Variants in EYS observed in about 807,000 individuals in gnomAD.
EYS encodes protein eyes shut homolog.
EYS carries 250 observed loss-of-function variants against 282.1 expected under a neutral mutation model. The ratio of observed to expected loss-of-function variants is 0.89; its 90% CI spans 0.80 to 0.98. The LOEUF is 0.98. EYS is among the 50% of genes least tolerant of loss of function. EYS has a pLI of 0.00. For synonymous variants in EYS, 1,355 were observed against 1,282.9 expected (o/e 1.06, Z -1.20); for missense variants, 4,016 against 3,709.0 (o/e 1.08, Z -2.15).
At chr6:64,759,203 A>C (rs991097203) in intron 22 of EYS, among the ~76,000 whole-genome samples, 6 of 152,180 alleles carry the variant, frequency 3.9e-5, no homozygotes, top group African/African-American at 1.4e-4. Flanking sequence ...ACGGGTAGCT[A>C]TCAAGAGATA....
intron 35 of EYS, among the ~76,000 whole-genome samples, chr6:63,978,638 C>T (rs117850023): frequency 0.01 from 1,521 of 151,918 alleles, 22 homozygotes; most frequent in East Asian, 0.036. Flanking sequence ...TGATTCCTAG[C>T]GACATGACAT....
At chr6:65,233,080 T>A (rs1766827198) in intron 12 of EYS, among the ~76,000 whole-genome samples, 1 of 152,152 alleles carries the variant, frequency 6.6e-6, no homozygotes. Context: ...CATCATGCCA[T>A]CCTTTATTTA....
At position 64,441,797 on chromosome 6, in the gene EYS, C is replaced by T. The variant is rs140646785; in HGVS notation, c.5645-2445G>A. Among the ~76,000 whole-genome samples, 1,119 of 152,280 alleles carry T rather than the reference C, an allele frequency of 7.3e-3. 16 individuals are homozygous for T. The highest frequency in any genetic ancestry group is 0.049 in the East Asian group (252 of 5,162). ...CATCCATGTAAGAGGTGACTTGCTC[C>T]TCCTTGCCTTCCACCATGATTATGA... is the stretch of plus-strand genomic sequence containing the variant. On this transcript the variant is annotated intron_variant, in intron 26 of 42. Transcript: ENST00000503581.
intron 31 of EYS, among the ~76,000 whole-genome samples, chr6:64,225,991 T>C (rs1168624706): frequency 1.3e-5 from 2 of 152,158 alleles, no homozygotes; most frequent in Non-Finnish European, 2.9e-5. Context: ...TTTTCAGACA[T>C]GGATATTAAC....
intron 2 of EYS, among the ~76,000 whole-genome samples, chr6:65,626,537 C>A (rs888335571): frequency 6.6e-5 from 10 of 152,100 alleles, no homozygotes; most frequent in African/African-American, 2.2e-4. Flanking sequence ...AAACCTTAAT[C>A]CACTCCCTGT....
chr6:64,950,231 A>G (rs897209757), intron 14 of EYS, among the ~76,000 whole-genome samples: 2 of 152,000 alleles, frequency 1.3e-5, no homozygotes, highest in Non-Finnish European at 2.9e-5. Context: ...AAACCAGTAG[A>G]CATTTAAAAA....
At chr6:63,880,487 G>GTCTGTATCTATCTATC (rs537041801) in intron 35 of EYS, among the ~76,000 whole-genome samples, 46 of 142,880 alleles carry the variant, frequency 3.2e-4, no homozygotes, top group Middle Eastern at 3.5e-3. Flanking sequence ...CTGTCTGTCT[G>GTCTGTATCTATCTATC]TATCTATCTA....
At chr6:63,879,383 G>C (rs1003971342) in intron 35 of EYS, among the ~76,000 whole-genome samples, 4 of 152,124 alleles carry the variant, frequency 2.6e-5, no homozygotes, top group Admixed American at 6.5e-5. Flanking sequence ...TTACAATGCT[G>C]GTTGGTGGAG....
Position 64,170,757 on chromosome 6 carries a change from A to G in EYS, c.6424+59835T>C, listed in dbSNP as rs1023175993. Reference sequence around the variant, plus strand: ...TTAGTACTTAAACACATCTTTTTAAATTATACAGTTCAACCCATAAGAATA... The same window carrying G: ...TTAGTACTTAAACACATCTTTTTAAGTTATACAGTTCAACCCATAAGAATA... On this transcript the variant is annotated intron_variant, in intron 31 of 42. Coordinates refer to ENST00000503581, the MANE Select transcript of EYS (RefSeq NM_001142800.2). Among the ~76,000 whole-genome samples, 37 of 151,810 alleles carry G rather than the reference A, an allele frequency of 2.4e-4. 1 individual carries two copies. Among genetic ancestry groups the G allele is most frequent in the Non-Finnish European group, 1.5e-4 (10 of 67,990 alleles).
At chr6:64,898,854 CAAAG>C (rs1562249137) in intron 18 of EYS, among the ~76,000 whole-genome samples, 11 of 151,576 alleles carry the variant, frequency 7.3e-5, no homozygotes, top group African/African-American at 2.7e-4. Context: ...ATCAAAAAGA[CAAAG>C]AAGGGCATTA....
At chr6:64,839,327 T>G (rs1193356930) in intron 19 of EYS, among the ~76,000 whole-genome samples, 9 of 152,028 alleles carry the variant, frequency 5.9e-5, no homozygotes, top group African/African-American at 2.2e-4. Context: ...CATAATAATT[T>G]TATTAAAAAT....
At chr6:64,834,161 A>C (rs187383960) in intron 19 of EYS, among the ~76,000 whole-genome samples, 1 of 151,986 alleles carries the variant, frequency 6.6e-6, no homozygotes, top group East Asian at 1.9e-4. Context: ...GTGAGCCAGA[A>C]CACTCAGAGT....
chr6:65,019,982 G>A (rs1772197163), intron 13 of EYS, among the ~76,000 whole-genome samples: 2 of 152,068 alleles, frequency 1.3e-5, no homozygotes, highest in Admixed American at 6.6e-5. Flanking sequence ...TCACTATCAT[G>A]AGAACGGCAA....
chr6:65,694,478 G>A (rs1665978555), intron 1 of EYS, among the ~76,000 whole-genome samples: 1 of 148,544 alleles, frequency 6.7e-6, no homozygotes, highest in Non-Finnish European at 1.5e-5. Flanking sequence ...TTTTTAAAAA[G>A]ACAAATATTT....
intron 21 of EYS, among the ~76,000 whole-genome samples, chr6:64,818,519 T>A (rs1434747804): frequency 1.3e-5 from 2 of 152,108 alleles, no homozygotes; most frequent in Non-Finnish European, 2.9e-5. Context: ...AGGAAGCCAG[T>A]CCGAGTCCCA....
At chr6:64,585,592 C>T (rs1167754397) in intron 26 of EYS, among the ~76,000 whole-genome samples, 1 of 152,060 alleles carries the variant, frequency 6.6e-6, no homozygotes, top group Non-Finnish European at 1.5e-5. Context: ...AATGCATCAA[C>T]AGAATTCAGT....
chr6:65,680,958 C>T (rs2130491), intron 1 of EYS, among the ~76,000 whole-genome samples: 124,112 of 151,710 alleles, frequency 0.82, 50,853 homozygotes, highest in East Asian at 0.85. Context: ...TTGCCTCCCA[C>T]TGGCCACCGG....
At chr6:64,572,823 T>G (rs1376724539) in intron 26 of EYS, among the ~76,000 whole-genome samples, 1 of 152,126 alleles carries the variant, frequency 6.6e-6, no homozygotes, top group African/African-American at 2.4e-5. Flanking sequence ...AAAGAATAAA[T>G]ATTGTGAAAA....
At chr6:64,296,332 T>C (rs1202247632) in intron 30 of EYS, among the ~76,000 whole-genome samples, 1 of 152,168 alleles carries the variant, frequency 6.6e-6, no homozygotes, top group Non-Finnish European at 1.5e-5. Flanking sequence ...GTATTAAATA[T>C]GTTTGCTGAT....
Sources: allele counts gnomAD v4.1 joint callset (sites outside exome capture counted in the v4.1 genomes callset), GRCh38; gene constraint gnomAD v4.1.1; transcripts MANE v1.5; gene names NCBI Gene and HGNC (gene_info 2026-07-23, HGNC 2026-07-21).